SNTG2: variants seen among roughly 807,000 people sequenced by gnomAD.
SNTG2 encodes the protein syntrophin gamma 2.
A neutral mutation model predicts 70.9 loss-of-function variants in SNTG2; 74 were observed. That is an observed-to-expected ratio of 1.04 (90% CI 0.86 to 1.27). The LOEUF (loss-of-function observed/expected upper bound fraction) is 1.27. Ranked by LOEUF, SNTG2 falls within the 50% of genes most tolerant of loss-of-function variation. The probability of loss-of-function intolerance (pLI) is 0.00; values close to 1 mark genes in which losing one functional copy is unlikely to be tolerated. For missense variants in SNTG2, 717 were observed against 690.7 expected, an observed-to-expected ratio of 1.04 and a Z score of -0.43; for synonymous variants, 278 against 273.8, an observed-to-expected ratio of 1.02 and a Z score of -0.15.
intron 14 of SNTG2, among the ~76,000 whole-genome samples, chr2:1,268,239 T>C (rs1013885728): frequency 1.8e-4 from 28 of 152,252 alleles, no homozygotes; most frequent in Middle Eastern, 3.2e-3. Flanking sequence ...AGAGGAGCTC[T>C]GACTTCACAC....
At chr2:1,260,445 T>G (rs2148166845) in intron 13 of SNTG2, among the ~76,000 whole-genome samples, 1 of 152,304 alleles carries the variant, frequency 6.6e-6, no homozygotes. Context: ...TTGAATATGG[T>G]AATGAAGGAG....
chr2:967,457 C>G (rs1391292217), intron 1 of SNTG2, among the ~76,000 whole-genome samples: 1 of 152,098 alleles, frequency 6.6e-6, no homozygotes, highest in Non-Finnish European at 1.5e-5. Flanking sequence ...TGTTTCTTAT[C>G]TATTGTGGTA....
At chr2:1,246,197 A>G (rs1442827671) in intron 11 of SNTG2, among the ~76,000 whole-genome samples, 4 of 152,228 alleles carry the variant, frequency 2.6e-5, no homozygotes, top group Non-Finnish European at 5.9e-5. Context: ...ACTGAAAACC[A>G]TGATGATAGC....
chr2:1,259,475 C>T, intron 13 of SNTG2, 34 bp downstream of exon 13: 3 of 1,539,678 alleles, frequency 1.9e-6, no homozygotes, highest in Non-Finnish European at 2.7e-6. Flanking sequence ...TGCTTTCATA[C>T]AAATAAGATG....
At position 1,166,606 on chromosome 2, in the gene SNTG2, G is replaced by A. The variant is rs75443960; in HGVS notation, c.499+971G>A. On this transcript the variant is annotated intron_variant, in intron 7 of 16. Coordinates refer to ENST00000308624, the MANE Select transcript of SNTG2 (RefSeq NM_018968.4). ...GGTTTTTCACTGATACAGGAGGGGG[G>A]CAGGGAAGTGCTGGGAGGAGAAGGG... Among the ~76,000 whole-genome samples the A allele has an allele frequency of 5.2e-3, 791 of 152,322 alleles. 5 individuals carry two copies. The highest frequency in any genetic ancestry group is 0.038 in the East Asian group (199 of 5,186).
chr2:1,294,689 T>C (rs1342678135), intron 14 of SNTG2, among the ~76,000 whole-genome samples: 1 of 152,218 alleles, frequency 6.6e-6, no homozygotes, highest in Non-Finnish European at 1.5e-5. Flanking sequence ...ACACAAGCAC[T>C]TTCTGTCAAT....
chr2:985,787 T>G (rs1661293033), intron 1 of SNTG2, among the ~76,000 whole-genome samples: 1 of 152,178 alleles, frequency 6.6e-6, no homozygotes, highest in Non-Finnish European at 1.5e-5. Context: ...TTATCCTAGC[T>G]GCTTTCAGTT....
intron 4 of SNTG2, among the ~76,000 whole-genome samples, chr2:1,135,137 C>A (rs1257967006): frequency 6.6e-6 from 1 of 152,148 alleles, no homozygotes; most frequent in Non-Finnish European, 1.5e-5. Context: ...AACTCTAGAG[C>A]AAAATAGACC....
At chr2:1,043,206 T>TTAAAA (rs1007443843) in intron 1 of SNTG2, among the ~76,000 whole-genome samples, 2 of 152,220 alleles carry the variant, frequency 1.3e-5, no homozygotes, top group African/African-American at 4.8e-5. Context: ...TTGCCCATTT[T>TTAAAA]TAAAATGGGG....
chr2:1,131,642 CT>C (rs1388434918), intron 4 of SNTG2, among the ~76,000 whole-genome samples: 2 of 150,668 alleles, frequency 1.3e-5, no homozygotes, highest in Non-Finnish European at 3.0e-5. Flanking sequence ...AATCCTTTTT[CT>C]TTTTTTTTCT....
Position 969,412 on chromosome 2 carries a change from G to C in SNTG2, c.72+18344G>C, listed in dbSNP as rs148420047. Among the ~76,000 whole-genome samples the C allele has an allele frequency of 1.2e-3, 181 of 151,942 alleles. 1 individual carries two copies. Among genetic ancestry groups the C allele is most frequent in the African/African-American group, 4.2e-3 (172 of 41,408 alleles). On this transcript the variant is annotated intron_variant, in intron 1 of 16. Transcript: ENST00000308624. ...TTCTAATTCTGTGAAGAATGTCCTT[G>C]GTTGTTTGAAAGAAATAGCATTGAA...
rs955987835 is a variant in SNTG2, at chr2:1,005,874, T to A, written c.72+54806T>A. Among the ~76,000 whole-genome samples the A allele has an allele frequency of 3.6e-3, 103 of 28,426 alleles. 1 individual carries two copies. Among genetic ancestry groups the A allele is most frequent in the Non-Finnish European group, 6.2e-3 (83 of 13,422 alleles). The allele number at this position is 28,426 out of a possible 152,430, so 18.6% of individuals were successfully genotyped here. On this transcript the variant is annotated intron_variant, in intron 1 of 16. Coordinates refer to ENST00000308624, the MANE Select transcript of SNTG2 (RefSeq NM_018968.4). ...ATATATATATATATATATATATATA[T>A]AAACGTTGACATTGCTCTTGAGACT...
intron 12 of SNTG2, among the ~76,000 whole-genome samples, chr2:1,253,350 C>T (rs554103670): frequency 1.3e-4 from 17 of 131,102 alleles, no homozygotes; most frequent in Admixed American, 2.1e-4. Context: ...AGGGGCCATC[C>T]GTGTAAATGT....
At chr2:1,349,774 C>G (rs965877741) in intron 16 of SNTG2, among the ~76,000 whole-genome samples, 1 of 152,204 alleles carries the variant, frequency 6.6e-6, no homozygotes, top group African/African-American at 2.4e-5. Context: ...TTAATCACCA[C>G]CAAGCCCCAG....
chr2:1,281,427 T>TGGC (rs1679535816), intron 14 of SNTG2, among the ~76,000 whole-genome samples: 1 of 133,938 alleles, frequency 7.5e-6, no homozygotes, highest in African/African-American at 2.9e-5. Flanking sequence ...GTGTGTGTGG[T>TGGC]GTGGTGTGTG....
At chr2:1,280,159 A>C (rs1289610239) in intron 14 of SNTG2, among the ~76,000 whole-genome samples, 1 of 152,208 alleles carries the variant, frequency 6.6e-6, no homozygotes, top group Non-Finnish European at 1.5e-5. Flanking sequence ...GAATAATACT[A>C]CAAATGTATT....
intron 1 of SNTG2, among the ~76,000 whole-genome samples, chr2:1,007,746 T>C (rs1659613558): frequency 6.6e-6 from 1 of 152,186 alleles, no homozygotes; most frequent in Non-Finnish European, 1.5e-5. Context: ...GTGGACAATA[T>C]ACCTTAGAAG....
chr2:1,197,328 A>T (rs779930769), intron 8 of SNTG2, among the ~76,000 whole-genome samples: 3 of 151,998 alleles, frequency 2.0e-5, no homozygotes, highest in Non-Finnish European at 4.4e-5. Context: ...AACTATAATT[A>T]TATCAGATAA....
At chr2:969,653 G>C (rs142581543) in intron 1 of SNTG2, among the ~76,000 whole-genome samples, 98 of 152,196 alleles carry the variant, frequency 6.4e-4, no homozygotes, top group African/African-American at 2.2e-3. Flanking sequence ...TCTTGATTTG[G>C]CACTTGCTTT....
Sources: gnomAD v4.1 joint callset for allele counts (sites outside exome capture counted in the v4.1 genomes callset) on GRCh38, gnomAD v4.1.1 for gene constraint, MANE v1.5 for transcripts, NCBI Gene and HGNC (gene_info 2026-07-23, HGNC 2026-07-21) for gene names.